The following FHIP1A variants were observed in gnomAD, a reference collection of about 807,000 sequenced individuals.
FHIP1A encodes FHF complex subunit HOOK-interacting protein 1A.
FHIP1A carries 61 observed loss-of-function variants against 88.6 expected under a neutral mutation model. The ratio of observed to expected loss-of-function variants is 0.69; its 90% confidence interval spans 0.56 to 0.85. The LOEUF is 0.85. Ranked by LOEUF, FHIP1A falls within the 40% of genes least tolerant of loss-of-function variation. The pLI, the probability that FHIP1A is intolerant of heterozygous loss-of-function variation, is 0.00. For synonymous variants in FHIP1A, 478 were observed against 496.0 expected, an observed-to-expected ratio of 0.96 and a Z score of 0.48; for missense variants, 1,154 against 1,273.5, an observed-to-expected ratio of 0.91 and a Z score of 1.43.
At chr4:151,560,825 TA>T (rs1733146663) in intron 3 of FHIP1A, among the ~76,000 whole-genome samples, 1 of 152,180 alleles carries the variant, frequency 6.6e-6, no homozygotes, top group Non-Finnish European at 1.5e-5. Context: ...ACATAATTTT[TA>T]CATTCTAAAT....
Position 151,482,659 on chromosome 4 carries a change from C to A in FHIP1A, c.-123+11C>A, listed in dbSNP as rs1231353569. On this transcript the variant is annotated intron_variant, in intron 3 of 13. Transcript: ENST00000435205. ...AGACAGCAGCCCCAGGTAATGTCTT[C>A]TTTTCTCATTATTATTGACATGTGT... 4.6e-5 allele frequency: 7 copies of A among 151,522 alleles called. No individual in the cohort carries two copies. The highest frequency in any genetic ancestry group is 1.0e-4 in the Non-Finnish European group (7 of 67,874). The allele number at this position is 151,522 out of a possible 1,614,324, so 9.4% of individuals were successfully genotyped here. A position where few individuals can be genotyped will look rare whatever the true frequency, so the allele number is the denominator to read the frequency against.
chr4:151,614,677 A>G (rs907256922), intron 7 of FHIP1A, among the ~76,000 whole-genome samples: 7 of 152,114 alleles, frequency 4.6e-5, no homozygotes, highest in African/African-American at 1.2e-4. Flanking sequence ...CCATTTTTAC[A>G]TCTCTCAGAG....
chr4:151,520,797 A>G (rs1731418927), intron 3 of FHIP1A, among the ~76,000 whole-genome samples: 1 of 152,198 alleles, frequency 6.6e-6, no homozygotes, highest in Non-Finnish European at 1.5e-5. Flanking sequence ...TCATTCATGG[A>G]TTGTTACTAT....
At chr4:151,649,428 T>C in intron 10 of FHIP1A, 31 bp from the exon 11 acceptor site, 1 of 1,499,464 alleles carries the variant, frequency 6.7e-7, no homozygotes, top group Non-Finnish European at 9.0e-7. Flanking sequence ...CACACCTCCC[T>C]TGTTCTAACC....
intron 3 of FHIP1A, among the ~76,000 whole-genome samples, chr4:151,510,335 C>T (rs1040821851): frequency 3.3e-5 from 5 of 152,088 alleles, no homozygotes; most frequent in Admixed American, 3.3e-4. Flanking sequence ...TCTCAAACTC[C>T]TGGCCTCAAG....
At chr4:151,530,421 C>T (rs1297359718) in intron 3 of FHIP1A, among the ~76,000 whole-genome samples, 1 of 152,146 alleles carries the variant, frequency 6.6e-6, no homozygotes, top group East Asian at 1.9e-4. Flanking sequence ...GGCTCCACTG[C>T]CTCTCCTCAG....
intron 5 of FHIP1A, among the ~76,000 whole-genome samples, chr4:151,583,659 A>T (rs184120915): frequency 9.8e-5 from 15 of 152,340 alleles, no homozygotes; most frequent in Admixed American, 8.5e-4. Context: ...CAAAGTGGTT[A>T]AGAATTCAGG....
intron 3 of FHIP1A, among the ~76,000 whole-genome samples, chr4:151,539,562 TA>T (rs1215200409): frequency 0.31 from 31,439 of 102,498 alleles, 4,172 homozygotes; most frequent in Non-Finnish European, 0.35. Flanking sequence ...AGACTCTGTC[TA>T]AAAAAAAAAA....
At chr4:151,606,740 G>A (rs973720559) in intron 7 of FHIP1A, among the ~76,000 whole-genome samples, 7 of 152,190 alleles carry the variant, frequency 4.6e-5, no homozygotes, top group African/African-American at 9.6e-5. Flanking sequence ...TCCTCTTCTT[G>A]TAATAATCTT....
At chr4:151,645,325 A>C (rs1736750516) in intron 9 of FHIP1A, among the ~76,000 whole-genome samples, 1 of 151,894 alleles carries the variant, frequency 6.6e-6, no homozygotes, top group African/African-American at 2.4e-5. Context: ...TATTATTAAA[A>C]CCTTCAGCAT....
intron 9 of FHIP1A, among the ~76,000 whole-genome samples, chr4:151,643,100 ATACC>A (rs1279442585): frequency 1.3e-5 from 2 of 152,050 alleles, no homozygotes; most frequent in Non-Finnish European, 2.9e-5. Context: ...TTGATGATAA[ATACC>A]TATACTAAAT....
intron 4 of FHIP1A, among the ~76,000 whole-genome samples, chr4:151,572,786 A>T (rs1733644603): frequency 6.6e-6 from 1 of 152,256 alleles, no homozygotes; most frequent in South Asian, 2.1e-4. Flanking sequence ...AGCATAAATA[A>T]TTACCTACTG....
chr4:151,524,553 G>C (rs1731562601), intron 3 of FHIP1A, among the ~76,000 whole-genome samples: 1 of 152,208 alleles, frequency 6.6e-6, no homozygotes, highest in Admixed American at 6.5e-5. Context: ...GGCACCAGCA[G>C]CTGCTGTGCT....
At chr4:151,605,481 C>T (rs1735037184) in intron 7 of FHIP1A, among the ~76,000 whole-genome samples, 1 of 152,142 alleles carries the variant, frequency 6.6e-6, no homozygotes, top group Non-Finnish European at 1.5e-5. Context: ...CAAAGAGCAG[C>T]CAGCTGTGTT....
chr4:151,657,984 T>G (rs1485754716), intron 13 of FHIP1A, among the ~76,000 whole-genome samples: 3 of 152,198 alleles, frequency 2.0e-5, no homozygotes, highest in Non-Finnish European at 4.4e-5. Context: ...GAACTTGGGT[T>G]GTGATGAGCT....
intron 1 of FHIP1A, among the ~76,000 whole-genome samples, chr4:151,440,583 A>G (rs1005003615): frequency 1.3e-5 from 2 of 152,118 alleles, no homozygotes; most frequent in Admixed American, 1.3e-4. Context: ...CCTAGAACAG[A>G]AAAATTCAGT....
intron 3 of FHIP1A, among the ~76,000 whole-genome samples, chr4:151,512,993 A>G (rs1390442792): frequency 6.6e-6 from 1 of 152,194 alleles, no homozygotes; most frequent in African/African-American, 2.4e-5. Context: ...TCCAAGACAC[A>G]TAATTGTCAG....
At chr4:151,581,691 TA>T (rs958840871) in intron 5 of FHIP1A, among the ~76,000 whole-genome samples, 8 of 150,622 alleles carry the variant, frequency 5.3e-5, no homozygotes, top group African/African-American at 1.7e-4. Context: ...ACAACATAAT[TA>T]AAAAAAAAGC....
chr4:151,582,422 A>T (rs972589506), intron 5 of FHIP1A, among the ~76,000 whole-genome samples: 1 of 151,910 alleles, frequency 6.6e-6, no homozygotes, highest in Non-Finnish European at 1.5e-5. Context: ...ACATTATGCT[A>T]ATCTTGGTAG....
Sources: gnomAD v4.1 joint callset for allele counts (sites outside exome capture counted in the v4.1 genomes callset) on GRCh38, gnomAD v4.1.1 for gene constraint, MANE v1.5 for transcripts, NCBI Gene and HGNC (gene_info 2026-07-23, HGNC 2026-07-21) for gene names.